EXOC6: variants seen among roughly 807,000 people sequenced by gnomAD.
EXOC6 encodes exocyst complex component 6.
Under a neutral mutation model 112.5 loss-of-function variants are expected in EXOC6, and 60 were observed. The ratio of observed to expected loss-of-function variants is 0.53; its 90% CI spans 0.43 to 0.66. The LOEUF is 0.66. Among genes scored for constraint, EXOC6 ranks in the 30% least tolerant of loss-of-function variants. The pLI is 0.00. For synonymous variants in EXOC6, 295 were observed against 308.0 expected, an observed-to-expected ratio of 0.96 and a Z score of 0.44; for missense variants, 855 against 957.1, an observed-to-expected ratio of 0.89 and a Z score of 1.41.
chr10:92,860,493 C>T (rs898917600), intron 1 of EXOC6, among the ~76,000 whole-genome samples: 8 of 152,066 alleles, frequency 5.3e-5, no homozygotes, highest in African/African-American at 9.7e-5. Context: ...GAACTCCTGA[C>T]CTCGTGATCC....
intron 13 of EXOC6, among the ~76,000 whole-genome samples, chr10:92,945,143 T>C (rs748519238): frequency 2.0e-5 from 3 of 152,232 alleles, no homozygotes; most frequent in Non-Finnish European, 2.9e-5. Context: ...TCCTGATCTG[T>C]ATACCTGTTG....
intron 8 of EXOC6, among the ~76,000 whole-genome samples, chr10:92,921,390 AC>A (rs1195205375): frequency 6.6e-6 from 1 of 150,774 alleles, no homozygotes; most frequent in African/African-American, 2.4e-5. Flanking sequence ...GTTTACAGGC[AC>A]CCGCCACCAT....
intron 1 of EXOC6, among the ~76,000 whole-genome samples, chr10:92,850,386 C>T (rs1411922031): frequency 6.6e-6 from 1 of 152,180 alleles, no homozygotes; most frequent in Non-Finnish European, 1.5e-5. Flanking sequence ...TCCCTGGTGA[C>T]TCATACTTAT....
intron 9 of EXOC6, among the ~76,000 whole-genome samples, chr10:92,929,724 A>G (rs185037693): frequency 4.1e-4 from 63 of 152,360 alleles, no homozygotes; most frequent in African/African-American, 1.4e-3. Flanking sequence ...TAAAAATATT[A>G]TGAATAGGTT....
At chr10:92,901,191 C>T (rs1254906448) in intron 5 of EXOC6, 1 of 152,102 alleles carries the variant, frequency 6.6e-6, no homozygotes. Flanking sequence ...GGAAGTCTAC[C>T]AGATGTCTTT....
chr10:92,878,633 T>G (rs1227593125), intron 1 of EXOC6, among the ~76,000 whole-genome samples: 1 of 152,154 alleles, frequency 6.6e-6, no homozygotes, highest in Non-Finnish European at 1.5e-5. Flanking sequence ...GGAAGTTGCT[T>G]CTTCCTGGGG....
At position 92,872,083 on chromosome 10, in the gene EXOC6, T is replaced by C. The variant is rs565956590; in HGVS notation, c.102-21266T>C. On this transcript the variant is annotated intron_variant, in intron 1 of 21. Coordinates refer to ENST00000260762, the MANE Select transcript of EXOC6 (RefSeq NM_019053.6). ...ATGATTCTTTCCATTTCTTTTATTC[T>C]TTTCCTAGCTTTTTGCATTTTGTAC... Among the ~76,000 whole-genome samples the C allele has an allele frequency of 3.3e-5, 5 of 152,242 alleles. No individual in the cohort carries two copies. The South Asian group carries it at 6.3e-4, about 19-fold the overall frequency.
chr10:92,853,470 G>A (rs1254516149), intron 1 of EXOC6, among the ~76,000 whole-genome samples: 2 of 152,130 alleles, frequency 1.3e-5, no homozygotes, highest in East Asian at 1.9e-4. Context: ...CAGAATTGGA[G>A]GACCCATAGA....
chr10:92,973,261 A>G (rs1222462233), intron 17 of EXOC6, among the ~76,000 whole-genome samples: 1 of 152,222 alleles, frequency 6.6e-6, no homozygotes, highest in Non-Finnish European at 1.5e-5. Flanking sequence ...ATAGCTGGCA[A>G]GCTATAGGTT....
chr10:93,023,876 A>G (rs932375067), intron 20 of EXOC6, among the ~76,000 whole-genome samples: 2 of 152,276 alleles, frequency 1.3e-5, no homozygotes, highest in South Asian at 2.1e-4. Context: ...TTCTTAATAC[A>G]TAGAGATATT....
At chr10:92,954,318 A>G (rs1301119385) in intron 15 of EXOC6, among the ~76,000 whole-genome samples, 1 of 152,126 alleles carries the variant, frequency 6.6e-6, no homozygotes, top group African/African-American at 2.4e-5. Context: ...CAAAGTTACT[A>G]TCCCATGATG....
intron 20 of EXOC6, among the ~76,000 whole-genome samples, chr10:93,040,656 C>T (rs1021618255): frequency 3.7e-4 from 56 of 152,312 alleles, no homozygotes; most frequent in Non-Finnish European, 7.6e-4. Context: ...ATTTTCACAT[C>T]TCTCATTCAT....
intron 1 of EXOC6, among the ~76,000 whole-genome samples, chr10:92,828,694 G>C (rs1191304332): frequency 1.0e-3 from 2 of 1,966 alleles, no homozygotes; most frequent in Non-Finnish European, 3.5e-3. Flanking sequence ...GTGTGTCTGT[G>C]TGTGTGTGTG....
chr10:92,943,888 C>CG (rs1171664827), intron 13 of EXOC6, among the ~76,000 whole-genome samples: 1 of 152,184 alleles, frequency 6.6e-6, no homozygotes, highest in Non-Finnish European at 1.5e-5. Context: ...ACCCTGCCTA[C>CG]GCCACTTTCT....
intron 17 of EXOC6, among the ~76,000 whole-genome samples, chr10:92,966,281 A>AATT (rs35262709): frequency 0.064 from 8,656 of 134,834 alleles, 296 homozygotes; most frequent in East Asian, 0.13. Flanking sequence ...ATGTAATTAT[A>AATT]ATTATTATTA....
chr10:93,045,070 G>A (rs1006061929), intron 20 of EXOC6, among the ~76,000 whole-genome samples: 3 of 152,084 alleles, frequency 2.0e-5, no homozygotes, highest in African/African-American at 7.2e-5. Flanking sequence ...AAGGGGTTTC[G>A]CCATGTTGGC....
chr10:92,982,776 G>GT (rs1338792957), intron 18 of EXOC6, among the ~76,000 whole-genome samples: 2 of 151,900 alleles, frequency 1.3e-5, no homozygotes, highest in East Asian at 3.9e-4. Context: ...CCTTTGAAGA[G>GT]TTTTTTTTCC....
chr10:92,868,148 G>C (rs190163801), intron 1 of EXOC6, among the ~76,000 whole-genome samples: 28 of 152,188 alleles, frequency 1.8e-4, no homozygotes, highest in Middle Eastern at 3.4e-3. Flanking sequence ...AAGTTTTCCA[G>C]ATTCCGGAGT....
intron 7 of EXOC6, among the ~76,000 whole-genome samples, chr10:92,917,452 A>G (rs181105067): frequency 6.6e-6 from 1 of 151,214 alleles, no homozygotes; most frequent in Non-Finnish European, 1.5e-5. Flanking sequence ...TAGTAAGTCT[A>G]GAAACCTTGA....
Sources: gnomAD v4.1 joint callset for allele counts (sites outside exome capture counted in the v4.1 genomes callset) on GRCh38, gnomAD v4.1.1 for gene constraint, MANE v1.5 for transcripts, NCBI Gene and HGNC (gene_info 2026-07-23, HGNC 2026-07-21) for gene names.